Variants in FBXL13 observed in about 807,000 individuals in gnomAD.
FBXL13 encodes F-box and leucine rich repeat protein 13, also known as F-box and leucine-rich repeat protein 13.
Under a neutral mutation model 83.6 loss-of-function variants are expected in FBXL13, and 67 were observed. The observed-to-expected ratio is 0.80, with a 90% CI of 0.66 to 0.98. The LOEUF is 0.98. FBXL13 is among the 50% of genes least tolerant of loss of function. The probability of loss-of-function intolerance (pLI) is 0.00; values close to 1 mark genes in which losing one functional copy is unlikely to be tolerated. For synonymous variants in FBXL13, 272 were observed against 299.5 expected (o/e 0.91, Z 0.95); for missense variants, 822 against 866.5 (o/e 0.95, Z 0.64).
At chr7:102,940,508 C>G (rs964463339) in intron 8 of FBXL13, among the ~76,000 whole-genome samples, 23 of 152,144 alleles carry the variant, frequency 1.5e-4, no homozygotes, top group Admixed American at 1.1e-3. Context: ...CCATGCCTGG[C>G]CTAAATGTAG....
At chr7:102,877,211 A>T (rs1013127760) in intron 16 of FBXL13, among the ~76,000 whole-genome samples, 1 of 152,156 alleles carries the variant, frequency 6.6e-6, no homozygotes, top group African/African-American at 2.4e-5. Flanking sequence ...ACAAATCTCA[A>T]ATTATCATGA....
chr7:102,986,757 C>T (rs1563188678), intron 6 of FBXL13, among the ~76,000 whole-genome samples: 1 of 139,270 alleles, frequency 7.2e-6, no homozygotes, highest in Non-Finnish European at 1.6e-5. Flanking sequence ...CATTTATTTT[C>T]ATCCAAGTAC....
chr7:102,926,131 G>GGGA, intron 10 of FBXL13, 143 bp downstream of exon 11: 1 of 652,428 alleles, frequency 1.5e-6, no homozygotes, highest in Non-Finnish European at 2.6e-6. Flanking sequence ...GGACTTGAAA[G>GGGA]CAGCAGACCC....
intron 6 of FBXL13, among the ~76,000 whole-genome samples, chr7:102,983,421 C>CTT (rs151066223): frequency 0.012 from 1,693 of 145,454 alleles, 56 homozygotes; most frequent in African/African-American, 0.039. Flanking sequence ...TCTTTTTTCC[C>CTT]CTTTTTTTTT....
intron 6 of FBXL13, among the ~76,000 whole-genome samples, chr7:102,979,802 A>T (rs997931834): frequency 1.3e-5 from 2 of 152,242 alleles, no homozygotes; most frequent in Non-Finnish European, 2.9e-5. Flanking sequence ...AAAGACTAGC[A>T]TACTGAAAAT....
chr7:102,959,133 T>A (rs919677240), intron 8 of FBXL13, among the ~76,000 whole-genome samples: 1 of 152,070 alleles, frequency 6.6e-6, no homozygotes, highest in Non-Finnish European at 1.5e-5. Context: ...AGAGAATCAA[T>A]TGACAAGCTA....
At chr7:102,968,884 C>T (rs1408402885) in intron 6 of FBXL13, among the ~76,000 whole-genome samples, 1 of 152,122 alleles carries the variant, frequency 6.6e-6, no homozygotes, top group African/African-American at 2.4e-5. Context: ...AAAGCTGGTA[C>T]AGTCATGCTC....
chr7:102,971,677 T>A (rs1356454327), intron 6 of FBXL13, among the ~76,000 whole-genome samples: 1 of 151,570 alleles, frequency 6.6e-6, no homozygotes, highest in Non-Finnish European at 1.5e-5. Flanking sequence ...GAGGCAAGAT[T>A]ACCTGAGCCC....
chr7:102,876,591 G>A (rs946369614), intron 16 of FBXL13, among the ~76,000 whole-genome samples: 1 of 152,206 alleles, frequency 6.6e-6, no homozygotes, highest in African/African-American at 2.4e-5. Context: ...CTGCAATGCA[G>A]TGAGAAATAG....
chr7:103,074,667 C>T, upstream of FBXL13: 2 of 1,285,656 alleles, frequency 1.6e-6, no homozygotes, highest in South Asian at 2.5e-5. Flanking sequence ...CACCGACGGT[C>T]TGTGTCCGCT....
At chr7:102,934,360 C>G in intron 8 of FBXL13, 1 of 1,614,160 alleles carries the variant, frequency 6.2e-7, no homozygotes, top group Non-Finnish European at 8.5e-7. Flanking sequence ...AGGAAGTGTT[C>G]ATTTACACAC....
chr7:102,932,755 C>A (rs1472268271), intron 8 of FBXL13, among the ~76,000 whole-genome samples: 6 of 151,982 alleles, frequency 3.9e-5, no homozygotes, highest in Admixed American at 2.0e-4. Context: ...ACTACAGGTG[C>A]ATACCACCAT....
intron 6 of FBXL13, among the ~76,000 whole-genome samples, chr7:103,008,809 C>T (rs1042894254): frequency 6.6e-5 from 10 of 152,296 alleles, no homozygotes; most frequent in African/African-American, 1.9e-4. Context: ...CTGCCCACCT[C>T]GGCCTCCCAA....
intron 6 of FBXL13, among the ~76,000 whole-genome samples, chr7:102,971,657 T>C (rs905433670): frequency 6.6e-6 from 1 of 151,112 alleles, no homozygotes; most frequent in Non-Finnish European, 1.5e-5. Context: ...TCCCAGCTAC[T>C]TGAGAGGCTG....
intron 16 of FBXL13, among the ~76,000 whole-genome samples, chr7:102,867,416 T>C (rs1807818294): frequency 1.3e-5 from 2 of 151,332 alleles, no homozygotes; most frequent in Admixed American, 1.3e-4. Context: ...GGACAAGTAG[T>C]GGAGAAGGTG....
chr7:102,857,600 T>C (rs1008667472), intron 16 of FBXL13: 2 of 152,338 alleles, frequency 1.3e-5, no homozygotes, highest in East Asian at 1.9e-4. Flanking sequence ...TCAAAGAGGA[T>C]AGCCAACCCT....
chr7:103,010,160 G>A (rs988723494), intron 6 of FBXL13, among the ~76,000 whole-genome samples: 2 of 151,752 alleles, frequency 1.3e-5, no homozygotes, highest in African/African-American at 2.4e-5. Flanking sequence ...CTGTTGTCCC[G>A]GGAAATACCT....
At chr7:102,897,155 G>A (rs1269117656) in intron 11 of FBXL13, among the ~76,000 whole-genome samples, 6 of 151,482 alleles carry the variant, frequency 4.0e-5, no homozygotes, top group Non-Finnish European at 8.8e-5. Context: ...GAGGAAATAT[G>A]GTATATGTGT....
intron 6 of FBXL13, chr7:102,988,722 C>T (rs149078060): frequency 9.9e-5 from 15 of 152,268 alleles, no homozygotes; most frequent in East Asian, 7.7e-4. Context: ...GGTATCTCTA[C>T]GCAGAAGAAA....
Sources: gnomAD v4.1 joint callset for allele counts (sites outside exome capture counted in the v4.1 genomes callset) on GRCh38, gnomAD v4.1.1 for gene constraint, MANE v1.5 for transcripts, NCBI Gene and HGNC (gene_info 2026-07-23, HGNC 2026-07-21) for gene names.